The following DLG2 variants were observed in gnomAD, a reference collection of about 807,000 sequenced individuals.
The protein encoded by DLG2 is discs large MAGUK scaffold protein 2.
A neutral mutation model predicts 132.5 loss-of-function variants in DLG2; 45 were observed. That is an observed-to-expected ratio of 0.34 (90% CI 0.27 to 0.44). The LOEUF (loss-of-function observed/expected upper bound fraction) is 0.44. DLG2 is among the 20% of genes least tolerant of loss of function. DLG2 has a pLI of 1.00. For missense variants in DLG2, 1,045 were observed against 1,196.9 expected, an observed-to-expected ratio of 0.87 and a Z score of 1.87; for synonymous variants, 424 against 419.6, an observed-to-expected ratio of 1.01 and a Z score of -0.13.
intron 15 of DLG2, among the ~76,000 whole-genome samples, chr11:83,906,257 T>TCTCTCTCTCTCTCTCTCA: frequency 1.5e-5 from 1 of 67,158 alleles, no homozygotes; most frequent in East Asian, 5.4e-4. Context: ...TCTCTCTCTC[T>TCTCTCTCTCTCTCTCTCA]CACACACACA....
At chr11:83,874,398 A>G in intron 16 of DLG2, 22 bp downstream of exon 16, 2 of 1,552,370 alleles carry the variant, frequency 1.3e-6, no homozygotes, top group South Asian at 1.2e-5. Flanking sequence ...ACAGTTTAAG[A>G]GGTTCTGTAT....
At chr11:84,064,490 G>A (rs2096641352) in intron 10 of DLG2, among the ~76,000 whole-genome samples, 1 of 152,160 alleles carries the variant, frequency 6.6e-6, no homozygotes, top group African/African-American at 2.4e-5. Context: ...TGTGACTACA[G>A]ACAAGTCACT....
At chr11:83,480,519 A>G in intron 22 of DLG2, 1 of 1,505,004 alleles carries the variant, frequency 6.6e-7, no homozygotes, top group Admixed American at 2.0e-5. Context: ...AGCGAAAGGC[A>G]AGTAAAAGCC....
At chr11:84,338,600 G>A (rs935941208) in intron 7 of DLG2, among the ~76,000 whole-genome samples, 4 of 152,102 alleles carry the variant, frequency 2.6e-5, no homozygotes, top group Admixed American at 6.6e-5. Flanking sequence ...CAAGGCGGGA[G>A]TATCACGAAG....
At chr11:85,570,858 AT>A (rs2077804704) in intron 3 of DLG2, among the ~76,000 whole-genome samples, 1 of 151,926 alleles carries the variant, frequency 6.6e-6, no homozygotes, top group Admixed American at 6.6e-5. Flanking sequence ...CAGTCGCTGA[AT>A]TTTTTTCTCC....
intron 23 of DLG2, among the ~76,000 whole-genome samples, chr11:83,471,928 T>TCTA (rs2092086320): frequency 6.6e-6 from 1 of 152,120 alleles, no homozygotes; most frequent in African/African-American, 2.4e-5. Flanking sequence ...CTTTCTGGAA[T>TCTA]CTACTAGCAG....
At chr11:83,482,330 AAAC>A (rs1259589496) in intron 22 of DLG2, among the ~76,000 whole-genome samples, 1 of 152,138 alleles carries the variant, frequency 6.6e-6, no homozygotes, top group Admixed American at 6.6e-5. Flanking sequence ...TGTTAATTTA[AAAC>A]AACAAAACAA....
intron 6 of DLG2, among the ~76,000 whole-genome samples, chr11:85,085,822 C>T (rs866850483): frequency 6.6e-6 from 1 of 152,148 alleles, no homozygotes; most frequent in African/African-American, 2.4e-5. Context: ...ACACTCACTA[C>T]ATTGCCTTCC....
intron 2 of DLG2, among the ~76,000 whole-genome samples, chr11:85,610,373 C>G (rs1373678448): frequency 6.6e-6 from 1 of 152,140 alleles, no homozygotes; most frequent in African/African-American, 2.4e-5. Flanking sequence ...ACCCCTATAC[C>G]CTGCTCTCTC....
Position 83,941,108 on chromosome 11 carries a change from T to C in DLG2, c.1341-10625A>G, listed in dbSNP as rs577629687. Among the ~76,000 whole-genome samples, 6 of 152,324 alleles carry C rather than the reference T, an allele frequency of 3.9e-5. No individual in the cohort carries two copies. In the South Asian group the frequency reaches 1.0e-3, roughly 26 times the overall value. Reference sequence around the variant, plus strand: ...ATATAGGATGCCCCAGTTACATTTCTATTTTGGAAACATAACAAATAATTT... The same window carrying C: ...ATATAGGATGCCCCAGTTACATTTCCATTTTGGAAACATAACAAATAATTT... On this transcript the variant is annotated intron_variant, in intron 14 of 27. Transcript: ENST00000376104.
chr11:84,129,441 C>A (rs2094321269), intron 9 of DLG2, among the ~76,000 whole-genome samples: 1 of 152,080 alleles, frequency 6.6e-6, no homozygotes, highest in Non-Finnish European at 1.5e-5. Context: ...CCCCAAATTT[C>A]AATGCCCAGG....
chr11:84,672,340 A>G (rs1262462521), intron 6 of DLG2, among the ~76,000 whole-genome samples: 1 of 152,128 alleles, frequency 6.6e-6, no homozygotes, highest in African/African-American at 2.4e-5. Context: ...AAGGTAGGGT[A>G]CGTAGAAGCA....
intron 3 of DLG2, chr11:85,525,002 T>A (rs191367364): frequency 6.6e-6 from 1 of 152,272 alleles, no homozygotes; most frequent in African/African-American, 2.4e-5. Flanking sequence ...TGGTATAACT[T>A]CCTTCCTTCC....
rs148840012 is a variant in DLG2 at position 84,840,038 on chromosome 11, T to C, written c.357+271623A>G. 6.8e-3 allele frequency among the ~76,000 whole-genome samples: 1,031 copies of C among 152,044 alleles called. 38 individuals are homozygous for C. Among genetic ancestry groups the C allele is most frequent in the Admixed American group, 0.057 (863 of 15,252 alleles). ...TTCTGTACATCAAAAGAAACTACCA[T>C]CGAGTGAACAGGCAACCTACAGAAT... is the stretch of plus-strand genomic sequence containing the variant. On this transcript the variant is annotated intron_variant, in intron 6 of 27. Transcript: ENST00000376104.
chr11:84,615,757 T>A (rs1173917291), intron 6 of DLG2, among the ~76,000 whole-genome samples: 2 of 145,888 alleles, frequency 1.4e-5, no homozygotes, highest in Non-Finnish European at 3.0e-5. Flanking sequence ...TGTCTCCAAA[T>A]TATCTGAAAT....
chr11:84,421,002 C>G (rs1480104167), intron 7 of DLG2, among the ~76,000 whole-genome samples: 1 of 152,102 alleles, frequency 6.6e-6, no homozygotes, highest in East Asian at 1.9e-4. Context: ...TCCGTAGAAA[C>G]CTAATCCTCA....
In DLG2 at chr11:84,187,197, G is replaced by C. The variant is rs150933824; in HGVS notation, c.574-23686C>G. The stretch of plus-strand genomic sequence containing the variant: ...GACATTTCCAGCTGAAATAAAGTGA[G>C]AAGGTGATAGCATTATTTCTTACTA... On this transcript the variant is annotated intron_variant, in intron 8 of 27. Transcript: ENST00000376104. Among the ~76,000 whole-genome samples, 236 of 151,404 alleles carry C rather than the reference G, an allele frequency of 1.6e-3. 1 individual carries two copies. Among genetic ancestry groups the C allele is most frequent in the African/African-American group, 5.5e-3 (228 of 41,452 alleles).
At chr11:84,798,575 G>T (rs2074973269) in intron 6 of DLG2, among the ~76,000 whole-genome samples, 1 of 152,130 alleles carries the variant, frequency 6.6e-6, no homozygotes, top group African/African-American at 2.4e-5. Flanking sequence ...CAGGACAGAA[G>T]GCTCTCCTCT....
chr11:84,364,706 A>T (rs968462012), intron 7 of DLG2, among the ~76,000 whole-genome samples: 2 of 152,104 alleles, frequency 1.3e-5, no homozygotes, highest in Non-Finnish European at 2.9e-5. Context: ...ATTTATTGAG[A>T]GTTTTTAGCA....
Sources: allele counts gnomAD v4.1 joint callset (sites outside exome capture counted in the v4.1 genomes callset), GRCh38; gene constraint gnomAD v4.1.1; transcripts MANE v1.5; gene names NCBI Gene and HGNC (gene_info 2026-07-23, HGNC 2026-07-21).